Variants in GIT2 observed in about 807,000 individuals in gnomAD.
GIT2 encodes the protein ARF GTPase-activating protein GIT2.
Under a neutral mutation model 100.3 loss-of-function variants are expected in GIT2, and 32 were observed. The observed-to-expected ratio is 0.32, with a 90% confidence interval of 0.24 to 0.43. The LOEUF is 0.43. Among genes scored for constraint, GIT2 ranks in the 20% least tolerant of loss-of-function variants. The pLI is 1.00. For synonymous variants in GIT2, 353 were observed against 364.1 expected, an observed-to-expected ratio of 0.97 and a Z score of 0.35; for missense variants, 737 against 975.1, an observed-to-expected ratio of 0.76 and a Z score of 3.25.
Position 109,976,123 on chromosome 12 carries a change from A to C in GIT2, c.718+4829T>G, listed in dbSNP as rs2338752. Among the ~76,000 whole-genome samples, 143 of 130,960 alleles carry C rather than the reference A, an allele frequency of 1.1e-3. 1 individual carries two copies. Among genetic ancestry groups the C allele is most frequent in the African/African-American group, 4.9e-3 (135 of 27,532 alleles). The allele number at this position is 130,960 out of a possible 152,430, so 85.9% of individuals were successfully genotyped here. On this transcript the variant is annotated intron_variant, in intron 7 of 19. Coordinates refer to ENST00000355312, the MANE Select transcript of GIT2 (RefSeq NM_057169.5). The stretch of plus-strand genomic sequence containing the variant: ...ATTACTATACACACACACACACACA[A>C]ACACACACACACACAACTTTTCACA...
At chr12:109,990,149 T>C (rs920146575) in intron 2 of GIT2, among the ~76,000 whole-genome samples, 9 of 152,246 alleles carry the variant, frequency 5.9e-5, no homozygotes, top group African/African-American at 2.2e-4. Context: ...ATTATTCACT[T>C]AATATTTGTC....
intron 7 of GIT2, among the ~76,000 whole-genome samples, chr12:109,973,170 T>C (rs964842220): frequency 6.6e-6 from 1 of 152,196 alleles, no homozygotes; most frequent in African/African-American, 2.4e-5. Flanking sequence ...AGATGGAGTC[T>C]GACTCTGTCA....
intron 7 of GIT2, among the ~76,000 whole-genome samples, chr12:109,967,834 A>G (rs1356478263): frequency 6.6e-6 from 1 of 152,244 alleles, no homozygotes; most frequent in Non-Finnish European, 1.5e-5. Flanking sequence ...GCAGGTGTCC[A>G]TCAGCCCACG....
intron 12 of GIT2, among the ~76,000 whole-genome samples, chr12:109,959,617 A>G (rs1880513790): frequency 6.6e-6 from 1 of 152,170 alleles, no homozygotes; most frequent in Non-Finnish European, 1.5e-5. Context: ...GAGGGAACCT[A>G]GAGGACAGGT....
rs1261951790 is a variant in GIT2, at chr12:109,938,561, G to T, written c.1822C>A (p.Arg608=). ...ACCATACTTCTTTGCCGTCCCTTTC[G>T]GCTTGACCTGTGAACATTAAAGATG... is the stretch of plus-strand genomic sequence containing the variant. ...DMEPDGMGSS[R]KGRQRSMVWP... is the part of the protein sequence containing the mutation. The change falls in exon 18 of 20, where the codon CGA becomes AGA. Residue 608 remains arginine (R), a synonymous_variant. Coordinates refer to ENST00000355312, the MANE Select transcript of GIT2 (RefSeq NM_057169.5). 2 of 1,590,508 alleles carry T rather than the reference G, an allele frequency of 1.3e-6. No individual in the cohort carries two copies. The highest frequency in any genetic ancestry group is 2.2e-5 in the East Asian group (1 of 44,610).
chr12:109,992,602 G>A (rs1258055269), intron 1 of GIT2, among the ~76,000 whole-genome samples: 2 of 152,206 alleles, frequency 1.3e-5, no homozygotes, highest in African/African-American at 4.8e-5. Flanking sequence ...AGCTGCTATG[G>A]TTCTGAGGAC....
upstream of GIT2, chr12:109,999,749 G>C (rs935017554): frequency 6.5e-7 from 1 of 1,532,448 alleles, no homozygotes; most frequent in Non-Finnish European, 8.8e-7. The surrounding 1 kb of genome is among the most constrained non-coding windows in gnomAD (Gnocchi z 4.3). Flanking sequence ...CTGGAAAAAC[G>C]ACTACCGGCA....
chr12:109,948,578 A>G lies in GIT2; in HGVS notation c.1393-1074T>C, dbSNP rs1010535651. 3 of 1,386,688 alleles carry G rather than the reference A, an allele frequency of 2.2e-6. No homozygotes were observed. Among genetic ancestry groups the G allele is most frequent in the African/African-American group, 2.9e-5 (2 of 68,204 alleles). The allele number at this position is 1,386,688 out of a possible 1,614,324, so 85.9% of individuals were successfully genotyped here. ...GGTCCTTCCCTTCTGGTGCGCCTTC[A>G]TCTTCCATGGACATTCTATAAGCTG... On this transcript the variant is annotated intron_variant, in intron 14 of 19. Transcript: ENST00000355312. The surrounding 1 kb of genome is among the most constrained non-coding windows in gnomAD (Gnocchi z 4.3).
At chr12:109,965,692 G>C (rs1882159563) in intron 8 of GIT2, 115 bp from the exon 9 acceptor site, 5 of 816,594 alleles carry the variant, frequency 6.1e-6, no homozygotes, top group Non-Finnish European at 1.1e-5. Context: ...GACCATGTTA[G>C]AACCAAGCAT....
intron 16 of GIT2, among the ~76,000 whole-genome samples, chr12:109,940,706 G>A (rs1255037273): frequency 6.6e-6 from 1 of 151,828 alleles, no homozygotes; most frequent in Non-Finnish European, 1.5e-5. Flanking sequence ...ATGGTGAAAC[G>A]TCATCGCTAC....
intron 6 of GIT2, 149 bp downstream of exon 6, chr12:109,983,214 CTGAGCTTATA>C: frequency 1.5e-6 from 1 of 648,800 alleles, no homozygotes; most frequent in Non-Finnish European, 2.6e-6. Flanking sequence ...CTTTGCCAGG[CTGAGCTTATA>C]TGCATTTGAA....
In GIT2 at chr12:109,934,466, G is replaced by T. The variant is rs761974031; in HGVS notation, c.2004-381C>A. 6.6e-6 allele frequency among the ~76,000 whole-genome samples: 1 copy of T among 152,184 alleles called. No homozygotes were observed. Among genetic ancestry groups the T allele is most frequent in the Non-Finnish European group, 1.5e-5 (1 of 68,034 alleles). On this transcript the variant is annotated intron_variant, in intron 18 of 19. Transcript: ENST00000355312. The surrounding 1 kb of genome is among the most constrained non-coding windows in gnomAD (Gnocchi z 4.5). Reference sequence around the variant, plus strand: ...AAAGGCCACAGAAGTGAAAAATAAAGGACTGAAAAAATTCCTTAAAATTAG... The same window carrying T: ...AAAGGCCACAGAAGTGAAAAATAAATGACTGAAAAAATTCCTTAAAATTAG...
At chr12:109,949,919 G>A (rs1877365018) in intron 14 of GIT2, among the ~76,000 whole-genome samples, 2 of 152,142 alleles carry the variant, frequency 1.3e-5, no homozygotes, top group South Asian at 4.2e-4. Context: ...AGAAAATACA[G>A]GTCCTGTATG....
At chr12:109,971,813 C>T (rs1337135569) in intron 7 of GIT2, among the ~76,000 whole-genome samples, 2 of 151,512 alleles carry the variant, frequency 1.3e-5, no homozygotes, top group Middle Eastern at 3.4e-3. Flanking sequence ...GCCAACATGG[C>T]GAAACCCTGT....
chr12:109,999,789 G>C, upstream of GIT2: 1 of 1,529,422 alleles, frequency 6.5e-7, no homozygotes, highest in Non-Finnish European at 8.8e-7. This position sits in a 1 kb window ranked among gnomAD's most constrained non-coding sequence, Gnocchi z 4.3. Context: ...GGCCAGGTGA[G>C]GGGCGGGGCG....
chr12:109,991,687 C>T lies in GIT2; in HGVS notation c.126G>A (p.Gly42=), dbSNP rs148381770. ...GATGCCTCACTTGGGAGATATGGCGCCCTAGACTCCGATGGACACTGCAGC... is the reference window on the plus strand; with the variant it reads ...GATGCCTCACTTGGGAGATATGGCGTCCTAGACTCCGATGGACACTGCAGC... ...DECCSVHRSL[G]RHISQVRHLK... The change falls in exon 2 of 20, where the codon GGG becomes GGA. Residue 42 remains glycine, a synonymous_variant. Transcript: ENST00000355312. 159 of 1,612,754 alleles carry T rather than the reference C, an allele frequency of 9.9e-5. No homozygotes were observed. The African/African-American group carries it at 1.9e-3, about 19-fold the overall frequency.
Position 109,981,045 on chromosome 12 carries a change from G to T in GIT2, c.625C>A (p.Gln209Lys). 6.2e-7 allele frequency: 1 copy of T among 1,601,330 alleles called. No homozygotes were observed. The highest frequency in any genetic ancestry group is 8.6e-7 in the Non-Finnish European group (1 of 1,168,342). Residue 209 changes from glutamine to lysine, a missense_variant and splice_region_variant, in exon 7 of 20, where the codon CAA becomes AAA. This residue lies in a region of GIT2 where 266 missense variants were observed against 376.2 expected (regional missense o/e 0.71). Coordinates refer to ENST00000355312, the MANE Select transcript of GIT2 (RefSeq NM_057169.5). Reference sequence around the variant, plus strand: ...TCTGCCAGCTCATGGTGCCCTCCTTGCCTACCAAGAGAAAACAAAGTACCA... The same window carrying T: ...TCTGCCAGCTCATGGTGCCCTCCTTTCCTACCAAGAGAAAACAAAGTACCA... ...SGKTPVDYARQGGHHELAERL... is the reference protein window; with the variant it reads ...SGKTPVDYARKGGHHELAERL...
At position 109,930,159 on chromosome 12, in the gene GIT2, A is replaced by T. The variant is rs1179842790; in HGVS notation, c.*2819T>A. The T allele has an allele frequency of 6.6e-6, 1 of 152,658 alleles. No homozygotes were observed. The highest frequency in any genetic ancestry group is 2.4e-5 in the African/African-American group (1 of 41,466). The allele number at this position is 152,658 out of a possible 1,614,324, so 9.5% of individuals were successfully genotyped here. ...GAGTTGTGCGTTTAGAATTCTGATT[A>T]CATGAAATGCTGTGTTTGATCTTTG... is the stretch of plus-strand genomic sequence containing the variant. On this transcript the variant is annotated 3_prime_UTR_variant, in exon 20 of 20. Coordinates refer to ENST00000355312, the MANE Select transcript of GIT2 (RefSeq NM_057169.5).
At chr12:109,994,892 A>G (rs1889055883) in intron 1 of GIT2, among the ~76,000 whole-genome samples, 1 of 152,206 alleles carries the variant, frequency 6.6e-6, no homozygotes, top group African/African-American at 2.4e-5. Flanking sequence ...TTTAGAAAAC[A>G]CTTCTTTTTA....
Sources: gnomAD v4.1 joint callset for allele counts (sites outside exome capture counted in the v4.1 genomes callset) on GRCh38, gnomAD v4.1.1 for gene constraint, gnomAD v4.1.1 regional missense constraint, Gnocchi (gnomAD v3.1) non-coding constraint, MANE v1.5 for transcripts, NCBI Gene and HGNC (gene_info 2026-07-23, HGNC 2026-07-21) for gene names.